Variants in FAM135B observed in about 807,000 individuals in gnomAD.
FAM135B encodes family with sequence similarity 135 member B.
Under a neutral mutation model 127.7 loss-of-function variants are expected in FAM135B, and 43 were observed. The observed-to-expected ratio is 0.34, with a 90% confidence interval of 0.26 to 0.43. The LOEUF is 0.43. FAM135B is among the 20% of genes least tolerant of loss of function. FAM135B has a pLI of 1.00. For synonymous variants in FAM135B, 670 were observed against 665.1 expected (o/e 1.01, Z -0.11); for missense variants, 1,558 against 1,725.6 (o/e 0.90, Z 1.72).
At chr8:138,442,796 C>T (rs1835880769) in intron 1 of FAM135B, among the ~76,000 whole-genome samples, 1 of 151,992 alleles carries the variant, frequency 6.6e-6, no homozygotes, top group Admixed American at 6.6e-5. Flanking sequence ...GTTCCCACTC[C>T]CAGGGGGAAG....
At chr8:138,454,486 C>T (rs1411535786) in intron 1 of FAM135B, among the ~76,000 whole-genome samples, 1 of 152,198 alleles carries the variant, frequency 6.6e-6, no homozygotes, top group Non-Finnish European at 1.5e-5. Context: ...GTTTAGCTAT[C>T]TGAACCACCT....
intron 9 of FAM135B, among the ~76,000 whole-genome samples, chr8:138,183,340 A>G (rs1488109683): frequency 2.0e-5 from 3 of 152,160 alleles, no homozygotes; most frequent in Non-Finnish European, 4.4e-5. Context: ...AGTAAGTGGG[A>G]GGCAATGTCT....
intron 1 of FAM135B, among the ~76,000 whole-genome samples, chr8:138,442,383 T>A (rs1167351998): frequency 6.6e-6 from 1 of 151,232 alleles, no homozygotes; most frequent in Non-Finnish European, 1.5e-5. Context: ...ATGAAACATT[T>A]AATGAGCACG....
At position 138,243,862 on chromosome 8, in the gene FAM135B, T is replaced by C. The variant is rs2130403903; in HGVS notation, c.543-794A>G. 6.6e-6 allele frequency among the ~76,000 whole-genome samples: 1 copy of C among 152,340 alleles called. No homozygotes were observed. Among genetic ancestry groups the C allele is most frequent in the South Asian group, 2.1e-4 (1 of 4,832 alleles). On this transcript the variant is annotated intron_variant, in intron 6 of 19. Transcript: ENST00000395297. This position sits in a 1 kb window ranked among gnomAD's most constrained non-coding sequence, Gnocchi z 7.5. ...TAGATCTCTTCTGTTTCATTTCTTT[T>C]CTAATGGATGTTTTGTCATATTGTG... is the stretch of plus-strand genomic sequence containing the variant.
intron 1 of FAM135B, chr8:138,450,695 T>A (rs1836436503): frequency 6.6e-6 from 1 of 152,200 alleles, no homozygotes; most frequent in African/African-American, 2.4e-5. Context: ...ATGTGGTTGG[T>A]TATTTTCTTA....
At chr8:138,388,909 T>C (rs1468563624) in intron 1 of FAM135B, among the ~76,000 whole-genome samples, 1 of 152,208 alleles carries the variant, frequency 6.6e-6, no homozygotes, top group Non-Finnish European at 1.5e-5. Flanking sequence ...CTTTGGGTGA[T>C]AATGATGTGT....
At chr8:138,269,067 C>A (rs539816457) in intron 3 of FAM135B, among the ~76,000 whole-genome samples, 500 of 152,286 alleles carry the variant, frequency 3.3e-3, no homozygotes, top group Non-Finnish European at 5.5e-3. Flanking sequence ...TTCAGCTGCA[C>A]AAAGAATACG....
intron 7 of FAM135B, among the ~76,000 whole-genome samples, chr8:138,230,594 T>C (rs1819834870): frequency 1.3e-5 from 2 of 152,158 alleles, no homozygotes; most frequent in Non-Finnish European, 2.9e-5. Flanking sequence ...CTGCTGCTGG[T>C]TGGAATTCCT....
intron 3 of FAM135B, among the ~76,000 whole-genome samples, chr8:138,279,332 T>C (rs1446719302): frequency 6.6e-6 from 1 of 152,218 alleles, no homozygotes; most frequent in Non-Finnish European, 1.5e-5. Context: ...AGTACACAAC[T>C]CACCAGTGAG....
At chr8:138,135,244 T>C (rs1816545959) in intron 19 of FAM135B, among the ~76,000 whole-genome samples, 1 of 152,132 alleles carries the variant, frequency 6.6e-6, no homozygotes, top group Admixed American at 6.6e-5. Context: ...CAAAAATATT[T>C]CTCTATGTCA....
chr8:138,178,130 C>G (rs1242851044), intron 10 of FAM135B, among the ~76,000 whole-genome samples: 1 of 151,954 alleles, frequency 6.6e-6, no homozygotes, highest in Non-Finnish European at 1.5e-5. Context: ...AGCCTGTAAT[C>G]CCAGCTACTC....
intron 11 of FAM135B, among the ~76,000 whole-genome samples, chr8:138,168,703 G>A (rs568146925): frequency 6.6e-6 from 1 of 152,114 alleles, no homozygotes; most frequent in Non-Finnish European, 1.5e-5. Flanking sequence ...TAATTCGAAG[G>A]CTGGGGTGGT....
chr8:138,153,329 G>C, intron 12 of FAM135B, 113 bp from the exon 13 acceptor site: 1 of 830,976 alleles, frequency 1.2e-6, no homozygotes, highest in Non-Finnish European at 1.8e-6. Context: ...TCGGTTCGAA[G>C]ATGGGAGAAT....
At chr8:138,172,535 A>G (rs1820555023) in intron 11 of FAM135B, among the ~76,000 whole-genome samples, 1 of 152,198 alleles carries the variant, frequency 6.6e-6, no homozygotes, top group Admixed American at 6.5e-5. Flanking sequence ...GGAACTTTCT[A>G]TTACCCGGTT....
rs562399437 is a variant in FAM135B at position 138,310,784 on chromosome 8, T to C, written c.157+57A>G. The C allele has an allele frequency of 5.8e-5, 88 of 1,506,318 alleles. No homozygotes were observed. In the African/African-American group the frequency reaches 7.0e-4, roughly 12 times the overall value. The allele number at this position is 1,506,318 out of a possible 1,614,324, so 93.3% of individuals were successfully genotyped here. A position where few individuals can be genotyped will look rare whatever the true frequency, so the allele number is the denominator to read the frequency against. On this transcript the variant is annotated intron_variant, in intron 3 of 19. Coordinates refer to ENST00000395297, the MANE Select transcript of FAM135B (RefSeq NM_015912.4). Reference sequence around the variant, plus strand: ...CACTCTGCTGTGCCCTGGCGAGCAGTGACAAAGGGAGGTTCGCCATTGGGG... The same window carrying C: ...CACTCTGCTGTGCCCTGGCGAGCAGCGACAAAGGGAGGTTCGCCATTGGGG...
intron 7 of FAM135B, among the ~76,000 whole-genome samples, chr8:138,198,543 G>A (rs1384693197): frequency 3.3e-5 from 5 of 152,196 alleles, no homozygotes; most frequent in East Asian, 1.9e-4. Context: ...AAGTGTCATC[G>A]TAATGTAGAA....
chr8:138,218,766 CAGAGAGAGAGAG>C (rs34578685), intron 7 of FAM135B, among the ~76,000 whole-genome samples: 7 of 80,550 alleles, frequency 8.7e-5, no homozygotes, highest in African/African-American at 1.2e-4. Flanking sequence ...CACACACACA[CAGAGAGAGAGAG>C]AGAGAGAGAG....
intron 1 of FAM135B, among the ~76,000 whole-genome samples, chr8:138,425,716 A>T (rs1834799835): frequency 6.6e-6 from 1 of 151,922 alleles, no homozygotes; most frequent in Admixed American, 6.6e-5. Flanking sequence ...TTCAACTCTT[A>T]CTCAGTGTAG....
intron 1 of FAM135B, among the ~76,000 whole-genome samples, chr8:138,383,173 C>T (rs574319053): frequency 1.1e-3 from 169 of 152,314 alleles, no homozygotes; most frequent in African/African-American, 3.9e-3. Context: ...TCAGATGATT[C>T]CTGAGGCTCA....
Sources: gnomAD v4.1 joint callset for allele counts (sites outside exome capture counted in the v4.1 genomes callset) on GRCh38, gnomAD v4.1.1 for gene constraint, Gnocchi (gnomAD v3.1) non-coding constraint, MANE v1.5 for transcripts, NCBI Gene and HGNC (gene_info 2026-07-23, HGNC 2026-07-21) for gene names.